Variants in STK32A observed in about 807,000 individuals in gnomAD.
STK32A encodes the protein serine/threonine-protein kinase 32A.
Under a neutral mutation model 53.2 loss-of-function variants are expected in STK32A, and 41 were observed. The ratio of observed to expected loss-of-function variants is 0.77; its 90% CI spans 0.60 to 1.00. STK32A has a LOEUF of 1.00. Among genes scored for constraint, STK32A ranks in the 50% least tolerant of loss-of-function variants. STK32A has a pLI of 0.00. For missense variants in STK32A, 458 were observed against 485.8 expected (o/e 0.94, Z 0.54); for synonymous variants, 166 against 162.8 (o/e 1.02, Z -0.15).
At chr5:147,375,326 T>C in intron 11 of STK32A, 108 bp downstream of exon 11, 4 of 1,390,886 alleles carry the variant, frequency 2.9e-6, no homozygotes, top group Non-Finnish European at 3.8e-6. Flanking sequence ...TTTTGCTGCT[T>C]AGTGAAATAG....
chr5:147,379,863 C>T (rs546864957), intron 11 of STK32A, among the ~76,000 whole-genome samples: 1 of 152,238 alleles, frequency 6.6e-6, no homozygotes, highest in African/African-American at 2.4e-5. Flanking sequence ...GATCATTTCC[C>T]TTCTAAGTCA....
intron 2 of STK32A, among the ~76,000 whole-genome samples, chr5:147,256,057 A>C (rs2151944396): frequency 6.6e-6 from 1 of 152,326 alleles, no homozygotes; most frequent in South Asian, 2.1e-4. Flanking sequence ...CACTCCAGTT[A>C]TTTGGCAGAG....
At chr5:147,292,961 A>C (rs55838968) in intron 4 of STK32A, among the ~76,000 whole-genome samples, 50,752 of 152,110 alleles carry the variant, frequency 0.33, 8,855 homozygotes, top group South Asian at 0.6. Flanking sequence ...GAACTGATGA[A>C]CTTTTATATT....
chr5:147,351,027 G>A, intron 6 of STK32A, 38 bp from the exon 7 acceptor site: 1 of 1,574,744 alleles, frequency 6.4e-7, no homozygotes, highest in South Asian at 1.1e-5. Flanking sequence ...TGGGTTGAAT[G>A]GGACTTAACT....
chr5:147,303,219 G>T (rs1274565457), intron 4 of STK32A, among the ~76,000 whole-genome samples: 1 of 152,090 alleles, frequency 6.6e-6, no homozygotes. Context: ...GTAACAAACT[G>T]CCCCAAAACT....
At chr5:147,340,319 CCA>C (rs1236361059) in intron 5 of STK32A, among the ~76,000 whole-genome samples, 2 of 152,168 alleles carry the variant, frequency 1.3e-5, no homozygotes, top group Non-Finnish European at 2.9e-5. Flanking sequence ...ATAAGAGAAT[CCA>C]CAGTGTTCAA....
At chr5:147,366,693 G>A (rs1465417973) in intron 8 of STK32A, among the ~76,000 whole-genome samples, 2 of 152,204 alleles carry the variant, frequency 1.3e-5, no homozygotes, top group Non-Finnish European at 2.9e-5. Flanking sequence ...AGTCTCTAAG[G>A]CAAAGAACAT....
chr5:147,335,814 C>T (rs1755088413), intron 5 of STK32A, among the ~76,000 whole-genome samples: 1 of 152,034 alleles, frequency 6.6e-6, no homozygotes, highest in Non-Finnish European at 1.5e-5. Context: ...TGCGCGCGTG[C>T]ATGCGTGCGC....
rs1756968092 is a variant in STK32A, at chr5:147,370,662, T to A, written c.669T>A (p.Tyr223Ter). 2 of 1,608,230 alleles carry A rather than the reference T, an allele frequency of 1.2e-6. No individual in the cohort carries two copies. The highest frequency in any genetic ancestry group is 1.7e-5 in the Admixed American group (1 of 59,940). The change falls in exon 9 of 13, where the codon TAT becomes TAA. Residue 223 changes from tyrosine to a stop codon, truncating the protein, a stop_gained. Coordinates refer to ENST00000397936, the MANE Select transcript of STK32A (RefSeq NM_001112724.2). LOFTEE classifies it high-confidence loss of function. ...AYELLRGRRP[Y>*]HIRSSTSSKE... ...TTCTTTTCTCCCTTAAGAGACCGTA[T>A]CATATTCGCTCCAGTACTTCCAGCA... is the stretch of plus-strand genomic sequence containing the variant.
In STK32A at chr5:147,271,706, T is replaced by A. The variant is rs185806794; in HGVS notation, c.53-6418T>A. On this transcript the variant is annotated intron_variant, in intron 2 of 12. Transcript: ENST00000397936. ...ATGGTTGAAACTGTAGGGATGAAAT[T>A]AGCCCCAGTCTCCCATAGTGCTCCC... is the stretch of plus-strand genomic sequence containing the variant. Among the ~76,000 whole-genome samples the A allele has an allele frequency of 3.8e-3, 578 of 152,240 alleles. 1 individual carries two copies. The highest frequency in any genetic ancestry group is 8.6e-3 in the African/African-American group (356 of 41,554).
At chr5:147,301,263 T>C (rs1753118946) in intron 4 of STK32A, among the ~76,000 whole-genome samples, 1 of 150,542 alleles carries the variant, frequency 6.6e-6, no homozygotes, top group South Asian at 2.1e-4. Context: ...GGGGAGGTCC[T>C]CAGAGAATGC....
At chr5:147,327,018 T>G (rs1754629182) in intron 5 of STK32A, among the ~76,000 whole-genome samples, 2 of 152,176 alleles carry the variant, frequency 1.3e-5, no homozygotes, top group African/African-American at 2.4e-5. Flanking sequence ...CATGCCCAGC[T>G]TCAAATAGAC....
At chr5:147,394,275 T>A in the STK32A span, 1 of 767,360 alleles carries the variant, frequency 1.3e-6, no homozygotes. Context: ...TTCCAGTCTA[T>A]CAGGTCTTCT....
At chr5:147,329,756 C>G (rs894407967) in intron 5 of STK32A, among the ~76,000 whole-genome samples, 1 of 152,182 alleles carries the variant, frequency 6.6e-6, no homozygotes, top group African/African-American at 2.4e-5. Flanking sequence ...TCTCCCCTCT[C>G]CAATCTTAAG....
At chr5:147,300,944 AG>A (rs1433452678) in intron 4 of STK32A, among the ~76,000 whole-genome samples, 1 of 152,228 alleles carries the variant, frequency 6.6e-6, no homozygotes, top group Non-Finnish European at 1.5e-5. Flanking sequence ...CTTCTGGCAC[AG>A]GGGCCAAGGG....
At chr5:147,357,346 C>T (rs1756295231) in intron 7 of STK32A, among the ~76,000 whole-genome samples, 1 of 152,022 alleles carries the variant, frequency 6.6e-6, no homozygotes, top group African/African-American at 2.4e-5. Context: ...AATGATATGA[C>T]ATTATGATAT....
chr5:147,348,269 A>G (rs1755781435), intron 6 of STK32A, among the ~76,000 whole-genome samples: 1 of 152,210 alleles, frequency 6.6e-6, no homozygotes, highest in Non-Finnish European at 1.5e-5. Flanking sequence ...TTAAAAGGAA[A>G]ATACTCAACA....
intron 8 of STK32A, among the ~76,000 whole-genome samples, chr5:147,366,131 G>T (rs1400984541): frequency 6.6e-6 from 1 of 151,906 alleles, no homozygotes; most frequent in Admixed American, 6.6e-5. Context: ...TCTTAGCTTG[G>T]CATTCTTCGG....
intron 7 of STK32A, among the ~76,000 whole-genome samples, chr5:147,359,285 A>C (rs1756391817): frequency 6.6e-6 from 1 of 152,156 alleles, no homozygotes; most frequent in Non-Finnish European, 1.5e-5. Flanking sequence ...TGTTGTCATA[A>C]GGTTTCTTCT....
Sources: gnomAD v4.1 joint callset for allele counts (sites outside exome capture counted in the v4.1 genomes callset) on GRCh38, gnomAD v4.1.1 for gene constraint, MANE v1.5 for transcripts, NCBI Gene and HGNC (gene_info 2026-07-23, HGNC 2026-07-21) for gene names.